Variants in SLC24A2 observed in about 807,000 individuals in gnomAD.
SLC24A2 encodes the protein solute carrier family 24 member 2, also known as sodium/potassium/calcium exchanger 2.
In SLC24A2, 36 loss-of-function variants were observed where a neutral mutation model predicts 62.0. The ratio of observed to expected loss-of-function variants is 0.58; its 90% CI spans 0.44 to 0.77. The LOEUF (loss-of-function observed/expected upper bound fraction) is 0.77. SLC24A2 is among the 30% of genes least tolerant of loss of function. The pLI is 0.00. For missense variants in SLC24A2, 846 were observed against 817.9 expected (o/e 1.03, Z -0.42); for synonymous variants, 358 against 294.0 (o/e 1.22, Z -2.23).
At chr9:20,165,106 C>T in the SLC24A2 span, among the ~76,000 whole-genome samples, 2 of 151,514 alleles carry the variant, frequency 1.3e-5, no homozygotes, top group East Asian at 2.0e-4. Flanking sequence ...GCACATTGTG[C>T]ACATGTACCC....
the SLC24A2 span, among the ~76,000 whole-genome samples, chr9:20,095,105 A>G: frequency 0.27 from 41,370 of 152,134 alleles, 6,791 homozygotes; most frequent in Admixed American, 0.45. Context: ...TAAGCCAAAC[A>G]ATGAAGAGAT....
At chr9:19,636,947 C>T (rs1818374144) in intron 2 of SLC24A2, among the ~76,000 whole-genome samples, 1 of 152,084 alleles carries the variant, frequency 6.6e-6, no homozygotes, top group African/African-American at 2.4e-5. Context: ...CCTTTGGAAG[C>T]TGGAAAATAC....
At chr9:19,529,386 T>A (rs1451470033) in intron 8 of SLC24A2, among the ~76,000 whole-genome samples, 1 of 152,212 alleles carries the variant, frequency 6.6e-6, no homozygotes, top group African/African-American at 2.4e-5. Flanking sequence ...TCTCTATTGC[T>A]CCAAACCAGG....
chr9:19,741,462 T>A (rs927902217), intron 2 of SLC24A2, among the ~76,000 whole-genome samples: 1 of 152,174 alleles, frequency 6.6e-6, no homozygotes, highest in African/African-American at 2.4e-5. Context: ...AACACTCACA[T>A]AACAGCCTCA....
chr9:19,962,060 T>C, the SLC24A2 span, among the ~76,000 whole-genome samples: 1 of 152,242 alleles, frequency 6.6e-6, no homozygotes, highest in Non-Finnish European at 1.5e-5. Context: ...CACCCTTGAA[T>C]CTTGCTTCCC....
At chr9:20,098,041 C>G in the SLC24A2 span, among the ~76,000 whole-genome samples, 1 of 151,690 alleles carries the variant, frequency 6.6e-6, no homozygotes, top group African/African-American at 2.4e-5. Context: ...GCGCCTGGCC[C>G]GAATCTTAAA....
At chr9:20,022,195 T>C in the SLC24A2 span, among the ~76,000 whole-genome samples, 1 of 152,188 alleles carries the variant, frequency 6.6e-6, no homozygotes, top group African/African-American at 2.4e-5. Flanking sequence ...AAATGCATCT[T>C]GTATCTTTTA....
chr9:19,726,975 G>A (rs908871051), intron 2 of SLC24A2, among the ~76,000 whole-genome samples: 2 of 152,136 alleles, frequency 1.3e-5, no homozygotes, highest in African/African-American at 2.4e-5. Flanking sequence ...TCATCATACT[G>A]TCAGAGACCT....
At chr9:20,089,809 C>G in the SLC24A2 span, among the ~76,000 whole-genome samples, 1 of 151,878 alleles carries the variant, frequency 6.6e-6, no homozygotes, top group Non-Finnish European at 1.5e-5. Context: ...CACAGCATAC[C>G]ACAGAACACC....
chr9:20,163,742 C>A, the SLC24A2 span, among the ~76,000 whole-genome samples: 10 of 152,124 alleles, frequency 6.6e-5, no homozygotes, highest in Admixed American at 5.2e-4. Flanking sequence ...TACTACAAGG[C>A]TACAGTAACC....
chr9:19,653,954 A>T (rs1818871106), intron 2 of SLC24A2, among the ~76,000 whole-genome samples: 1 of 152,142 alleles, frequency 6.6e-6, no homozygotes, highest in Non-Finnish European at 1.5e-5. Flanking sequence ...TTTACATACG[A>T]GTCACTCATG....
At chr9:20,108,945 A>G in the SLC24A2 span, among the ~76,000 whole-genome samples, 1 of 152,238 alleles carries the variant, frequency 6.6e-6, no homozygotes, top group Non-Finnish European at 1.5e-5. Flanking sequence ...TAGAGCACAT[A>G]TACTGACAGT....
At chr9:19,981,499 G>GT in the SLC24A2 span, among the ~76,000 whole-genome samples, 1 of 151,828 alleles carries the variant, frequency 6.6e-6, no homozygotes, top group South Asian at 2.1e-4. Context: ...ATTTTTGGTA[G>GT]TTTTTTTTAA....
intron 4 of SLC24A2, among the ~76,000 whole-genome samples, chr9:19,600,710 A>G (rs1489930227): frequency 1.3e-5 from 2 of 152,110 alleles, no homozygotes; most frequent in African/African-American, 2.4e-5. Flanking sequence ...ATCAGTGGTT[A>G]CTGATTTCTG....
chr9:19,950,003 C>T, the SLC24A2 span, among the ~76,000 whole-genome samples: 3 of 152,110 alleles, frequency 2.0e-5, no homozygotes, highest in African/African-American at 2.4e-5. Context: ...TTGTATAATT[C>T]GCATTTAAAA....
At position 19,513,184 on chromosome 9, in the gene SLC24A2, A is replaced by ATATATATATATATATG. The variant is rs1554665755; in HGVS notation, c.*2968_*2969insCATATATATATATATA. Reference sequence around the variant, plus strand: ...TATATATATATATATATGTATATATATATATATGTATATATTTATATATGT... The same window carrying ATATATATATATATATG: ...TATATATATATATATATGTATATATATATATATATATATATGTATATATGTATATATTTATATATGT... On this transcript the variant is annotated 3_prime_UTR_variant, in exon 11 of 11. Coordinates refer to ENST00000341998, the MANE Select transcript of SLC24A2 (RefSeq NM_020344.4). 1.4e-4 allele frequency: 13 copies of ATATATATATATATATG among 93,438 alleles called. No individual in the cohort carries two copies. The highest frequency in any genetic ancestry group is 3.9e-4 in the East Asian group (1 of 2,594). The allele number at this position is 93,438 out of a possible 1,614,324, so 5.8% of individuals were successfully genotyped here.
chr9:19,655,048 A>G (rs1252564987), intron 2 of SLC24A2, among the ~76,000 whole-genome samples: 2 of 152,240 alleles, frequency 1.3e-5, no homozygotes, highest in African/African-American at 4.8e-5. Context: ...TAGACAGATA[A>G]TGTAGACAAA....
the SLC24A2 span, among the ~76,000 whole-genome samples, chr9:20,095,618 C>A: frequency 6.6e-6 from 1 of 152,124 alleles, no homozygotes; most frequent in South Asian, 2.1e-4. Context: ...GAACAGCTCA[C>A]TGACTCACTC....
chr9:19,699,404 T>C (rs1820291036), intron 2 of SLC24A2, among the ~76,000 whole-genome samples: 1 of 152,174 alleles, frequency 6.6e-6, no homozygotes, highest in African/African-American at 2.4e-5. Flanking sequence ...TGTGTTTAGA[T>C]ACCAAAGTTG....
Sources: gnomAD v4.1 joint callset for allele counts (sites outside exome capture counted in the v4.1 genomes callset) on GRCh38, gnomAD v4.1.1 for gene constraint, MANE v1.5 for transcripts, NCBI Gene and HGNC (gene_info 2026-07-23, HGNC 2026-07-21) for gene names.